GABRB3: variants seen among roughly 807,000 people sequenced by gnomAD.
GABRB3 encodes the protein gamma-aminobutyric acid receptor subunit beta-3.
GABRB3 carries 14 observed loss-of-function variants against 52.1 expected under a neutral mutation model. That is an observed-to-expected ratio of 0.27 (90% confidence interval 0.18 to 0.42). The LOEUF is 0.42. GABRB3 is among the 10% of genes least tolerant of loss of function. The pLI, the probability that GABRB3 is intolerant of heterozygous loss-of-function variation, is 1.00. For missense variants in GABRB3, 307 were observed against 609.1 expected, an observed-to-expected ratio of 0.50 and a Z score of 5.22; for synonymous variants, 260 against 232.3, an observed-to-expected ratio of 1.12 and a Z score of -1.08.
chr15:26,573,126 C>A (rs895755399), intron 6 of GABRB3, among the ~76,000 whole-genome samples: 3 of 152,190 alleles, frequency 2.0e-5, no homozygotes, highest in African/African-American at 7.2e-5. Context: ...GCAGAGCTCA[C>A]TTATCACATG....
At chr15:26,752,287 G>C (rs530389480) in intron 3 of GABRB3, among the ~76,000 whole-genome samples, 2 of 146,016 alleles carry the variant, frequency 1.4e-5, no homozygotes, top group African/African-American at 5.0e-5. Flanking sequence ...ATTTTGAGAG[G>C]GAGTCTCACT....
At chr15:26,710,062 T>C in intron 3 of GABRB3, among the ~76,000 whole-genome samples, 1 of 152,206 alleles carries the variant, frequency 6.6e-6, no homozygotes, top group East Asian at 1.9e-4. Flanking sequence ...GTCTGGCTTA[T>C]TTCACTTAGC....
chr15:26,636,514 A>T (rs952323213), intron 3 of GABRB3, among the ~76,000 whole-genome samples: 1 of 150,566 alleles, frequency 6.6e-6, no homozygotes, highest in Non-Finnish European at 1.5e-5. Flanking sequence ...CCATCCACCC[A>T]CTCTTTCCAC....
At chr15:26,643,761 A>T (rs558553220) in intron 3 of GABRB3, among the ~76,000 whole-genome samples, 34 of 152,104 alleles carry the variant, frequency 2.2e-4, no homozygotes, top group African/African-American at 7.7e-4. Context: ...CATCCAACAA[A>T]CACTACTGGT....
chr15:26,564,733 C>G (rs1034120660), intron 7 of GABRB3, among the ~76,000 whole-genome samples: 1 of 152,222 alleles, frequency 6.6e-6, no homozygotes, highest in Non-Finnish European at 1.5e-5. Context: ...CAAACTATAG[C>G]TGTATCCTAT....
chr15:26,554,444 A>G (rs1889678270), intron 8 of GABRB3, among the ~76,000 whole-genome samples: 1 of 151,804 alleles, frequency 6.6e-6, no homozygotes, highest in Admixed American at 6.6e-5. Flanking sequence ...CAAGGGGAGG[A>G]ATGTCTTTTC....
Position 26,545,749 on chromosome 15 carries a change from T to C in GABRB3, c.*2044A>G, listed in dbSNP as rs1293647059. 2 of 152,204 alleles carry C rather than the reference T, an allele frequency of 1.3e-5. No homozygotes were observed. The highest frequency in any genetic ancestry group is 4.8e-5 in the African/African-American group (2 of 41,272). 9.4% of individuals were successfully genotyped at this position (152,204 alleles called of 1,614,324 possible). ...TTTTAGGATCCCCCATTGTTACCCA[T>C]GGAAAAAATGGTCAGAGAAAAGCCA... is the stretch of plus-strand genomic sequence containing the variant. On this transcript the variant is annotated 3_prime_UTR_variant, in exon 9 of 9. Coordinates refer to ENST00000311550, the MANE Select transcript of GABRB3 (RefSeq NM_000814.6).
intron 3 of GABRB3, among the ~76,000 whole-genome samples, chr15:26,641,871 T>C (rs957945851): frequency 6.6e-6 from 1 of 151,984 alleles, no homozygotes; most frequent in South Asian, 2.1e-4. Flanking sequence ...ATACACAGAT[T>C]GTTTTACTTT....
At chr15:26,755,478 A>C (rs4243766) in intron 3 of GABRB3, among the ~76,000 whole-genome samples, 1 of 152,026 alleles carries the variant, frequency 6.6e-6, no homozygotes, top group Non-Finnish European at 1.5e-5. Flanking sequence ...ATATAATTAA[A>C]TTAAAGTCAA....
chr15:26,673,107 C>T (rs1033904822), intron 3 of GABRB3, among the ~76,000 whole-genome samples: 6 of 152,140 alleles, frequency 3.9e-5, no homozygotes, highest in African/African-American at 1.4e-4. Flanking sequence ...GGACTAAATT[C>T]CAAACAAGCC....
chr15:26,760,828 A>ACACACACACGC (rs1566832974), intron 3 of GABRB3, among the ~76,000 whole-genome samples: 1 of 29,002 alleles, frequency 3.4e-5, no homozygotes, highest in Admixed American at 3.1e-4. Flanking sequence ...CACACACACA[A>ACACACACACGC]GCAAACAAAC....
chr15:26,576,470 A>G (rs1873710396), intron 6 of GABRB3, among the ~76,000 whole-genome samples: 1 of 152,228 alleles, frequency 6.6e-6, no homozygotes, highest in Non-Finnish European at 1.5e-5. Flanking sequence ...TCTGAGAAAT[A>G]TAAAGAGGAG....
intron 4 of GABRB3, among the ~76,000 whole-genome samples, chr15:26,608,670 T>C (rs924624274): frequency 2.0e-5 from 3 of 152,024 alleles, no homozygotes; most frequent in Non-Finnish European, 1.5e-5. Flanking sequence ...AAAGAAGACA[T>C]GCAAATGGCC....
intron 3 of GABRB3, among the ~76,000 whole-genome samples, chr15:26,708,618 A>G (rs565703558): frequency 6.6e-6 from 1 of 152,342 alleles, no homozygotes; most frequent in East Asian, 1.9e-4. Context: ...AAAGAGTAGG[A>G]GTCATCGCAG....
intron 3 of GABRB3, among the ~76,000 whole-genome samples, chr15:26,769,617 A>AT (rs1490478957): frequency 6.6e-6 from 1 of 152,052 alleles, no homozygotes; most frequent in Non-Finnish European, 1.5e-5. Context: ...TAACTCTGCC[A>AT]TTTTCTTTCC....
intron 3 of GABRB3, among the ~76,000 whole-genome samples, chr15:26,701,025 A>C (rs1367729339): frequency 1.3e-5 from 2 of 151,764 alleles, no homozygotes; most frequent in African/African-American, 4.9e-5. Context: ...ACTGCACTCC[A>C]GCCTGGGAGA....
intron 4 of GABRB3, among the ~76,000 whole-genome samples, chr15:26,618,413 G>A (rs1274214774): frequency 1.3e-5 from 2 of 152,066 alleles, no homozygotes; most frequent in East Asian, 1.9e-4. Flanking sequence ...CAAGCAATGG[G>A]GAAAGGATTC....
chr15:26,662,941 T>C (rs767344017), intron 3 of GABRB3, among the ~76,000 whole-genome samples: 4 of 152,214 alleles, frequency 2.6e-5, no homozygotes, highest in Admixed American at 6.5e-5. Context: ...ACATACCCCA[T>C]GCCCAGTGTC....
intron 4 of GABRB3, among the ~76,000 whole-genome samples, chr15:26,618,380 A>G (rs1239323183): frequency 6.6e-6 from 1 of 152,014 alleles, no homozygotes; most frequent in Non-Finnish European, 1.5e-5. Flanking sequence ...CAACTATCTG[A>G]TCTTTGACAA....
Sources: gnomAD v4.1 joint callset for allele counts (sites outside exome capture counted in the v4.1 genomes callset) on GRCh38, gnomAD v4.1.1 for gene constraint, MANE v1.5 for transcripts, NCBI Gene and HGNC (gene_info 2026-07-23, HGNC 2026-07-21) for gene names.